Variants in TMEM51 observed in about 807,000 individuals in gnomAD.
TMEM51 encodes transmembrane protein 51, also known as chromosome 1 open reading frame 72.
Under a neutral mutation model 13.6 loss-of-function variants are expected in TMEM51, and 8 were observed. That is an observed-to-expected ratio of 0.59 (90% CI 0.35 to 1.07). TMEM51 has a LOEUF of 1.07. Ranked by LOEUF, TMEM51 falls within the 50% of genes least tolerant of loss-of-function variation. The pLI, the probability that TMEM51 is intolerant of heterozygous loss-of-function variation, is 0.02. For synonymous variants in TMEM51, 147 were observed against 144.4 expected (o/e 1.02, Z -0.13); for missense variants, 279 against 330.7 (o/e 0.84, Z 1.21).
chr1:15,204,995 T>G (rs1191718167), intron 1 of TMEM51, among the ~76,000 whole-genome samples: 1 of 152,162 alleles, frequency 6.6e-6, no homozygotes, highest in African/African-American at 2.4e-5. Flanking sequence ...ACAGGAGATC[T>G]GCATCCCTCA....
intron 1 of TMEM51, among the ~76,000 whole-genome samples, chr1:15,205,773 A>G (rs1035053814): frequency 6.6e-6 from 1 of 152,212 alleles, no homozygotes; most frequent in African/African-American, 2.4e-5. Context: ...TTGGCATTCA[A>G]CACACATTGA....
chr1:15,164,806 C>CTTTTTTTT (rs1557831855), intron 1 of TMEM51, among the ~76,000 whole-genome samples: 1 of 94,432 alleles, frequency 1.1e-5, no homozygotes, highest in South Asian at 3.6e-4. Flanking sequence ...TTTTTTTTTT[C>CTTTTTTTT]CTTTTTTTTT....
At chr1:15,211,385 T>C (rs4661608) in intron 2 of TMEM51, among the ~76,000 whole-genome samples, 47,469 of 151,858 alleles carry the variant, frequency 0.31, 7,696 homozygotes, top group Non-Finnish European at 0.37. Flanking sequence ...CAATTTTTGC[T>C]CCTTGTGGGT....
At chr1:15,166,228 G>A (rs1467696855) in intron 1 of TMEM51, among the ~76,000 whole-genome samples, 3 of 152,208 alleles carry the variant, frequency 2.0e-5, no homozygotes, top group African/African-American at 7.2e-5. Flanking sequence ...CCATAGGCTT[G>A]TTATGCATCC....
At chr1:15,157,037 T>C (rs1353464752) in intron 1 of TMEM51, among the ~76,000 whole-genome samples, 1 of 152,188 alleles carries the variant, frequency 6.6e-6, no homozygotes, top group African/African-American at 2.4e-5. Context: ...CCACCCCTCC[T>C]GGGAGCTCTT....
At chr1:15,205,750 G>A (rs1456118381) in intron 1 of TMEM51, among the ~76,000 whole-genome samples, 1 of 152,098 alleles carries the variant, frequency 6.6e-6, no homozygotes, top group Non-Finnish European at 1.5e-5. Flanking sequence ...TCCACAGAGG[G>A]CCTGGCACAG....
At chr1:15,217,176 C>T (rs868538619) in intron 3 of TMEM51, among the ~76,000 whole-genome samples, 12 of 152,196 alleles carry the variant, frequency 7.9e-5, no homozygotes, top group Middle Eastern at 3.4e-3. Flanking sequence ...AGCAATGCCA[C>T]TTGTGGGTAC....
Position 15,204,571 on chromosome 1 carries a change from C to G in TMEM51, c.-266-5919C>G, listed in dbSNP as rs577682179. Among the ~76,000 whole-genome samples the G allele has an allele frequency of 5.7e-3, 863 of 152,204 alleles. 10 individuals are homozygous for G. Among genetic ancestry groups the G allele is most frequent in the African/African-American group, 0.02 (821 of 41,544 alleles). ...CCTCATTGATGGGAACTCTGCCCTG[C>G]CTTGGTGGAAAGGCTGGCTTTTCTG... On this transcript the variant is annotated intron_variant, in intron 1 of 3. Transcript: ENST00000376008.
At chr1:15,158,913 C>T (rs186715961) in intron 1 of TMEM51, among the ~76,000 whole-genome samples, 6 of 152,302 alleles carry the variant, frequency 3.9e-5, no homozygotes, top group Admixed American at 6.5e-5. Context: ...TTTCCTGTCA[C>T]GAGAAATATT....
intron 1 of TMEM51, among the ~76,000 whole-genome samples, chr1:15,186,856 C>G (rs1193485756): frequency 1.3e-5 from 2 of 152,012 alleles, no homozygotes; most frequent in East Asian, 1.9e-4. Flanking sequence ...CAGTCTGTAT[C>G]CAGGTGAGGT....
chr1:15,173,922 G>A (rs552820273), intron 1 of TMEM51, among the ~76,000 whole-genome samples: 1 of 152,350 alleles, frequency 6.6e-6, no homozygotes, highest in African/African-American at 2.4e-5. Context: ...CAAGTTGGAA[G>A]GTTTCATAAC....
At chr1:15,177,732 T>C (rs1017103488) in intron 1 of TMEM51, among the ~76,000 whole-genome samples, 1 of 152,314 alleles carries the variant, frequency 6.6e-6, no homozygotes, top group Middle Eastern at 3.4e-3. Context: ...ATTTGCACCC[T>C]TGTATGAAGC....
intron 1 of TMEM51, among the ~76,000 whole-genome samples, chr1:15,210,155 C>T (rs934565355): frequency 6.6e-6 from 1 of 152,100 alleles, no homozygotes; most frequent in African/African-American, 2.4e-5. Context: ...CTGCCTTGTT[C>T]TTTTCTAGTT....
chr1:15,159,283 AG>A (rs896694533), intron 1 of TMEM51, among the ~76,000 whole-genome samples: 1 of 152,172 alleles, frequency 6.6e-6, no homozygotes, highest in Non-Finnish European at 1.5e-5. Context: ...GCTGCAGGGG[AG>A]GTAGCACTCA....
At chr1:15,170,861 T>C (rs1448914198) in intron 1 of TMEM51, among the ~76,000 whole-genome samples, 1 of 152,146 alleles carries the variant, frequency 6.6e-6, no homozygotes, top group African/African-American at 2.4e-5. Flanking sequence ...CCCAAGCAGC[T>C]GGGACTACAG....
intron 1 of TMEM51, among the ~76,000 whole-genome samples, chr1:15,180,450 C>A (rs961031949): frequency 1.3e-5 from 2 of 152,218 alleles, no homozygotes; most frequent in Non-Finnish European, 2.9e-5. Context: ...CGGGCAGAAC[C>A]AGACAGGCAC....
At chr1:15,159,588 C>T (rs745944211) in intron 1 of TMEM51, among the ~76,000 whole-genome samples, 3 of 152,172 alleles carry the variant, frequency 2.0e-5, no homozygotes, top group African/African-American at 4.8e-5. Context: ...GACAGAGTCT[C>T]GCTCTGTTGC....
chr1:15,173,848 C>T (rs1266463893), intron 1 of TMEM51, among the ~76,000 whole-genome samples: 2 of 152,128 alleles, frequency 1.3e-5, no homozygotes, highest in Non-Finnish European at 2.9e-5. Context: ...TTAGTTGTCA[C>T]CTTAACTAGG....
intron 1 of TMEM51, among the ~76,000 whole-genome samples, chr1:15,191,327 G>C (rs1643916816): frequency 6.6e-6 from 1 of 152,250 alleles, no homozygotes; most frequent in Non-Finnish European, 1.5e-5. Flanking sequence ...AGAACGACAA[G>C]AGAATACCTT....
Sources: allele counts gnomAD v4.1 joint callset (sites outside exome capture counted in the v4.1 genomes callset), GRCh38; gene constraint gnomAD v4.1.1; transcripts MANE v1.5; gene names NCBI Gene and HGNC (gene_info 2026-07-23, HGNC 2026-07-21).